The following VAT1L variants were observed in gnomAD, a reference collection of about 807,000 sequenced individuals.
The protein encoded by VAT1L is putative NADPH-dependent quinone oxidoreductase VAT1L.
Under a neutral mutation model 44.1 loss-of-function variants are expected in VAT1L, and 34 were observed. The ratio of observed to expected loss-of-function variants is 0.77; its 90% confidence interval spans 0.59 to 1.03. VAT1L has a LOEUF of 1.03. VAT1L is among the 50% of genes least tolerant of loss of function. The probability of loss-of-function intolerance (pLI) is 0.00; values close to 1 mark genes in which losing one functional copy is unlikely to be tolerated. For synonymous variants in VAT1L, 253 were observed against 202.2 expected, an observed-to-expected ratio of 1.25 and a Z score of -2.13; for missense variants, 615 against 538.8, an observed-to-expected ratio of 1.14 and a Z score of -1.40.
chr16:77,894,919 T>C (rs2017306258), intron 7 of VAT1L, among the ~76,000 whole-genome samples: 1 of 152,090 alleles, frequency 6.6e-6, no homozygotes, highest in Non-Finnish European at 1.5e-5. Flanking sequence ...CTGTGTGGCC[T>C]CAGAAAACCA....
In VAT1L at chr16:77,979,577, C is replaced by G. The variant is rs915749687; in HGVS notation, c.*1882C>G. The G allele has an allele frequency of 5.9e-5, 9 of 152,126 alleles. No homozygotes were observed. Among genetic ancestry groups the G allele is most frequent in the Non-Finnish European group, 1.0e-4 (7 of 68,028 alleles). The allele number at this position is 152,126 out of a possible 1,614,324, so 9.4% of individuals were successfully genotyped here. A position where few individuals can be genotyped will look rare whatever the true frequency, so the allele number is the denominator to read the frequency against. ...AAGGAGTGAAGAGCCCTTGGCCATA[C>G]TAGGGCTCTCCTTCCCCCGGGGAGT... On this transcript the variant is annotated 3_prime_UTR_variant, in exon 9 of 9. Coordinates refer to ENST00000302536, the MANE Select transcript of VAT1L (RefSeq NM_020927.3).
intron 7 of VAT1L, among the ~76,000 whole-genome samples, chr16:77,901,317 C>A (rs1252680523): frequency 6.6e-6 from 1 of 151,936 alleles, no homozygotes; most frequent in South Asian, 2.1e-4. Flanking sequence ...GCGCCCGCCA[C>A]CATGCCCGGC....
chr16:77,969,230 T>A (rs1285422920), intron 7 of VAT1L, among the ~76,000 whole-genome samples: 1 of 152,218 alleles, frequency 6.6e-6, no homozygotes, highest in Non-Finnish European at 1.5e-5. Flanking sequence ...ATTATCAATC[T>A]GTTCCCTTAA....
chr16:77,802,425 G>T (rs903772578), intron 1 of VAT1L, among the ~76,000 whole-genome samples: 2 of 152,072 alleles, frequency 1.3e-5, no homozygotes, highest in African/African-American at 2.4e-5. Flanking sequence ...GACCAGCCTG[G>T]CCAAGATGGT....
chr16:77,857,804 T>A (rs976750617), intron 3 of VAT1L, among the ~76,000 whole-genome samples: 1 of 150,922 alleles, frequency 6.6e-6, no homozygotes, highest in African/African-American at 2.4e-5. Context: ...TATAAGTACA[T>A]AAGTGATTTG....
At chr16:77,803,199 T>G (rs1436947451) in intron 1 of VAT1L, among the ~76,000 whole-genome samples, 1 of 152,138 alleles carries the variant, frequency 6.6e-6, no homozygotes, top group Non-Finnish European at 1.5e-5. Context: ...CTCCTTAGGA[T>G]CCATTAGACT....
At chr16:77,844,754 T>G (rs1283751446) in intron 3 of VAT1L, among the ~76,000 whole-genome samples, 1 of 152,172 alleles carries the variant, frequency 6.6e-6, no homozygotes, top group African/African-American at 2.4e-5. Context: ...TTTTGGTATC[T>G]ACAGAGGGCT....
intron 1 of VAT1L, among the ~76,000 whole-genome samples, chr16:77,803,578 C>T (rs1403482225): frequency 6.6e-6 from 1 of 151,888 alleles, no homozygotes; most frequent in Non-Finnish European, 1.5e-5. Flanking sequence ...CTCCACCACG[C>T]CCGGCTAATT....
At chr16:77,830,162 C>T (rs1208915631) in intron 3 of VAT1L, among the ~76,000 whole-genome samples, 1 of 152,144 alleles carries the variant, frequency 6.6e-6, no homozygotes, top group African/African-American at 2.4e-5. Flanking sequence ...TCACTCTACT[C>T]AGAACACTCT....
At chr16:77,972,590 G>A (rs987472561) in intron 8 of VAT1L, among the ~76,000 whole-genome samples, 1 of 146,818 alleles carries the variant, frequency 6.8e-6, no homozygotes, top group Non-Finnish European at 1.6e-5. Context: ...AGACCAGCCT[G>A]GCCAAGATGG....
At chr16:77,792,984 GT>G (rs1375561973) in intron 1 of VAT1L, among the ~76,000 whole-genome samples, 1 of 152,058 alleles carries the variant, frequency 6.6e-6, no homozygotes, top group Non-Finnish European at 1.5e-5. Context: ...ATAAACTTTA[GT>G]TTATTATTCA....
intron 3 of VAT1L, among the ~76,000 whole-genome samples, chr16:77,834,833 T>C (rs976261727): frequency 6.6e-6 from 1 of 152,182 alleles, no homozygotes; most frequent in African/African-American, 2.4e-5. Flanking sequence ...AGTCAGTCTA[T>C]GTCCAAAGCT....
rs536175387 is a variant in VAT1L at position 77,815,829 on chromosome 16, G to A, written c.234-1092G>A. ...CTAAAAATACAAAAATTAGCCAGGC[G>A]AGTTGGTGTGCACCTGTAATCCCAG... is the stretch of plus-strand genomic sequence containing the variant. On this transcript the variant is annotated intron_variant, in intron 1 of 8. Transcript: ENST00000302536. Among the ~76,000 whole-genome samples, 4 of 151,744 alleles carry A rather than the reference G, an allele frequency of 2.6e-5. No individual in the cohort carries two copies. In the South Asian group the frequency reaches 6.3e-4, roughly 24 times the overall value.
intron 3 of VAT1L, among the ~76,000 whole-genome samples, chr16:77,854,484 C>G (rs2016838528): frequency 6.6e-6 from 1 of 152,200 alleles, no homozygotes; most frequent in South Asian, 2.1e-4. Context: ...AGACAAATGA[C>G]AGCGTGATCT....
chr16:77,874,570 A>G (rs965572806), intron 4 of VAT1L, among the ~76,000 whole-genome samples: 1 of 151,920 alleles, frequency 6.6e-6, no homozygotes, highest in Non-Finnish European at 1.5e-5. Flanking sequence ...TCTGCCTAGG[A>G]CACTATTCCC....
At chr16:77,925,209 A>G (rs2017653029) in intron 7 of VAT1L, among the ~76,000 whole-genome samples, 1 of 152,098 alleles carries the variant, frequency 6.6e-6, no homozygotes, top group Non-Finnish European at 1.5e-5. Flanking sequence ...ACTCACTCTC[A>G]GGTTCACGTG....
chr16:77,884,131 C>G lies in VAT1L; in HGVS notation c.883-477C>G, dbSNP rs1404304356. 6.6e-6 allele frequency among the ~76,000 whole-genome samples: 1 copy of G among 152,104 alleles called. No homozygotes were observed. Among genetic ancestry groups the G allele is most frequent in the Non-Finnish European group, 1.5e-5 (1 of 68,032 alleles). ...CATAAGCATCAATGTCTATTGCTTC[C>G]CATGCACTTGCAACAGTGCCTAGAA... On this transcript the variant is annotated intron_variant, in intron 6 of 8. Transcript: ENST00000302536. This position sits in a 1 kb window ranked among gnomAD's most constrained non-coding sequence, Gnocchi z 4.5.
At chr16:77,802,935 A>G (rs1267868998) in intron 1 of VAT1L, among the ~76,000 whole-genome samples, 1 of 151,994 alleles carries the variant, frequency 6.6e-6, no homozygotes, top group East Asian at 1.9e-4. Context: ...CCTTCTCACC[A>G]TCACGGCAGC....
chr16:77,921,279 G>A (rs867668941), intron 7 of VAT1L, among the ~76,000 whole-genome samples: 1 of 152,138 alleles, frequency 6.6e-6, no homozygotes, highest in Non-Finnish European at 1.5e-5. Flanking sequence ...ACTCCTCATG[G>A]AATTGCTTTT....
Sources: gnomAD v4.1 joint callset for allele counts (sites outside exome capture counted in the v4.1 genomes callset) on GRCh38, gnomAD v4.1.1 for gene constraint, Gnocchi (gnomAD v3.1) non-coding constraint, MANE v1.5 for transcripts, NCBI Gene and HGNC (gene_info 2026-07-23, HGNC 2026-07-21) for gene names.